C9orf43: variants seen among roughly 807,000 people sequenced by gnomAD.
The protein encoded by C9orf43 is chromosome 9 open reading frame 43, also known as uncharacterized protein C9orf43.
C9orf43 carries 45 observed loss-of-function variants against 59.1 expected under a neutral mutation model. That is an observed-to-expected ratio of 0.76 (90% confidence interval 0.60 to 0.98). The LOEUF is 0.98. Ranked by LOEUF, C9orf43 falls within the 50% of genes least tolerant of loss-of-function variation. The probability of loss-of-function intolerance (pLI) is 0.00; values close to 1 mark genes in which losing one functional copy is unlikely to be tolerated. For synonymous variants in C9orf43, 203 were observed against 196.8 expected, an observed-to-expected ratio of 1.03 and a Z score of -0.26; for missense variants, 533 against 554.9, an observed-to-expected ratio of 0.96 and a Z score of 0.40.
chr9:113,423,635 C>A, intron 7 of C9orf43, 137 bp downstream of exon 7: 2 of 777,652 alleles, frequency 2.6e-6, no homozygotes, highest in Non-Finnish European at 4.0e-6. Flanking sequence ...AACTCTTGGA[C>A]TTACCAACAG....
chr9:113,427,766 C>A (rs117285269), intron 11 of C9orf43, among the ~76,000 whole-genome samples: 2 of 152,250 alleles, frequency 1.3e-5, no homozygotes, highest in Non-Finnish European at 2.9e-5. Flanking sequence ...GCAGCTGATG[C>A]AAAAGAAACA....
chr9:113,416,541 C>T (rs768015351), intron 3 of C9orf43, among the ~76,000 whole-genome samples: 1 of 152,176 alleles, frequency 6.6e-6, no homozygotes, highest in Non-Finnish European at 1.5e-5. Context: ...CCTACTGGAC[C>T]TCATCTCGCA....
intron 3 of C9orf43, among the ~76,000 whole-genome samples, chr9:113,414,304 C>G (rs1054829062): frequency 6.6e-6 from 1 of 152,072 alleles, no homozygotes; most frequent in Non-Finnish European, 1.5e-5. Flanking sequence ...GGGTCTCACC[C>G]TGTCACCCAG....
At chr9:113,423,201 C>A in intron 6 of C9orf43, 125 bp from the exon 7 acceptor site, 1 of 822,082 alleles carries the variant, frequency 1.2e-6, no homozygotes, top group African/African-American at 1.7e-5. Context: ...CGGCCCTCAT[C>A]GTTCAGAGGA....
intron 3 of C9orf43, among the ~76,000 whole-genome samples, chr9:113,417,279 C>G (rs890520414): frequency 1.3e-4 from 20 of 152,246 alleles, no homozygotes; most frequent in Admixed American, 7.8e-4. Flanking sequence ...CTGATACTCT[C>G]TCTTCCAAAC....
In C9orf43 at chr9:113,425,139, C is replaced by T. The variant is rs186682268; in HGVS notation, c.865+63C>T. ...TTTCTGTTAGCCCACATTTCTCATA[C>T]TTTAACGTGGTCCAATTCAGTTATA... On this transcript the variant is annotated intron_variant, in intron 9 of 13. Transcript: ENST00000374165. 578 of 1,535,130 alleles carry T rather than the reference C, an allele frequency of 3.8e-4. 1 individual carries two copies. In the African/African-American group the frequency reaches 6.6e-3, roughly 18 times the overall value.
intron 5 of C9orf43, 52 bp downstream of exon 5, chr9:113,421,255 G>A: frequency 7.6e-7 from 1 of 1,311,940 alleles, no homozygotes; most frequent in Non-Finnish European, 1.1e-6. Flanking sequence ...AATCCCTGAT[G>A]TCTTCTGCAG....
At chr9:113,418,547 AAGAT>A (rs1433825433) in intron 3 of C9orf43, among the ~76,000 whole-genome samples, 4 of 152,332 alleles carry the variant, frequency 2.6e-5, no homozygotes, top group Admixed American at 6.5e-5. Context: ...TAACAACAAT[AAGAT>A]AGAACAATTA....
rs1319893115 is a variant in C9orf43 at position 113,429,196 on chromosome 9, C to T, written c.1196C>T (p.Pro399Leu). 3 of 1,614,060 alleles carry T rather than the reference C, an allele frequency of 1.9e-6. No homozygotes were observed. Among genetic ancestry groups the T allele is most frequent in the African/African-American group, 1.3e-5 (1 of 75,036 alleles). The change falls in exon 14 of 14, where the codon CCC becomes CTC. Residue 399 changes from proline (P) to leucine (L), a missense_variant. Pro to Leu is a moderately conservative substitution (Grantham distance 98, BLOSUM62 -3). Coordinates refer to ENST00000374165, the MANE Select transcript of C9orf43 (RefSeq NM_001278629.2). The part of the protein sequence containing the change: ...VKSPELYETE[P>L]TNKDISAPVD... ...GGTCCTGAATTGTATGAAACAGAAC[C>T]CACTAACAAGGACATTAGTGCTCCA...
At chr9:113,420,644 C>A in intron 4 of C9orf43, 1 of 421,850 alleles carries the variant, frequency 2.4e-6, no homozygotes, top group Non-Finnish European at 3.2e-6. Context: ...GAAGAGTTAG[C>A]CTTTGACTTT....
rs1828912267 is a variant in C9orf43, at chr9:113,429,443, G to T, written c.*57G>T. ...CCCTGGGGCAGCCGTGTTCCAAAGC[G>T]GGATGGCTGGTATCCTGAGGGCAGC... On this transcript the variant is annotated 3_prime_UTR_variant, in exon 14 of 14. Transcript: ENST00000374165. 6.7e-7 allele frequency: 1 copy of T among 1,493,634 alleles called. No individual in the cohort carries two copies. The allele number at this position is 1,493,634 out of a possible 1,614,324, so 92.5% of individuals were successfully genotyped here. A position where few individuals can be genotyped will look rare whatever the true frequency, so the allele number is the denominator to read the frequency against.
chr9:113,429,082 T>G, intron 13 of C9orf43, 90 bp from the exon 14 acceptor site: 1 of 1,523,762 alleles, frequency 6.6e-7, no homozygotes, highest in Non-Finnish European at 9.1e-7. Context: ...AGAGAAGTCC[T>G]AAAAACACCC....
At chr9:113,412,584 A>C (rs1342372579) in intron 1 of C9orf43, among the ~76,000 whole-genome samples, 2 of 152,230 alleles carry the variant, frequency 1.3e-5, no homozygotes, top group Non-Finnish European at 2.9e-5. Flanking sequence ...AAAAGATGAT[A>C]ATATTTATTG....
intron 1 of C9orf43, 150 bp downstream of exon 1, chr9:113,411,151 C>T (rs1828123223): frequency 2.0e-6 from 2 of 977,364 alleles, no homozygotes; most frequent in African/African-American, 1.8e-5. Context: ...AACGAAAGGG[C>T]GAGAAGCAGC....
At chr9:113,413,720 C>T in intron 2 of C9orf43, 39 bp from the exon 3 acceptor site, 1 of 1,611,478 alleles carries the variant, frequency 6.2e-7, no homozygotes, top group Non-Finnish European at 8.5e-7. Flanking sequence ...TTTCTCCAGG[C>T]AGCAGGTTAA....
At chr9:113,421,078 C>T (rs757125495) in intron 4 of C9orf43, 25 bp from the exon 5 acceptor site, 3 of 1,561,354 alleles carry the variant, frequency 1.9e-6, no homozygotes, top group Admixed American at 1.7e-5. Flanking sequence ...TCAAGCCATA[C>T]ATAGGCTTTA....
intron 11 of C9orf43, 106 bp downstream of exon 11, chr9:113,425,836 G>C (rs1050545102): frequency 1.6e-5 from 14 of 872,964 alleles, no homozygotes; most frequent in Non-Finnish European, 2.5e-5. Context: ...ACCTGCCTTT[G>C]TCAGGCACTC....
chr9:113,425,839 A>G, intron 11 of C9orf43, 109 bp downstream of exon 11: 1 of 836,712 alleles, frequency 1.2e-6, no homozygotes, highest in Non-Finnish European at 2.0e-6. Context: ...TGCCTTTGTC[A>G]GGCACTCAGA....
At chr9:113,412,190 C>T (rs1339102740) in intron 1 of C9orf43, among the ~76,000 whole-genome samples, 1 of 152,208 alleles carries the variant, frequency 6.6e-6, no homozygotes, top group Non-Finnish European at 1.5e-5. Flanking sequence ...CTGGCTGAAA[C>T]CATCAGGGCT....
Sources: allele counts gnomAD v4.1 joint callset (sites outside exome capture counted in the v4.1 genomes callset), GRCh38; gene constraint gnomAD v4.1.1; transcripts MANE v1.5; gene names NCBI Gene and HGNC (gene_info 2026-07-23, HGNC 2026-07-21).